The following DPP10 variants were observed in gnomAD, a reference collection of about 807,000 sequenced individuals.
DPP10 encodes dipeptidyl peptidase like 10.
DPP10 carries 33 observed loss-of-function variants against 120.9 expected under a neutral mutation model. That is an observed-to-expected ratio of 0.27 (90% confidence interval 0.21 to 0.37). DPP10 has a LOEUF of 0.37. Among genes scored for constraint, DPP10 ranks in the 10% least tolerant of loss-of-function variants. The probability of loss-of-function intolerance (pLI) is 1.00; values close to 1 mark genes in which losing one functional copy is unlikely to be tolerated. For missense variants in DPP10, 816 were observed against 942.8 expected, an observed-to-expected ratio of 0.87 and a Z score of 1.76; for synonymous variants, 337 against 326.1, an observed-to-expected ratio of 1.03 and a Z score of -0.36.
intron 1 of DPP10, among the ~76,000 whole-genome samples, chr2:114,468,900 G>A (rs1679659601): frequency 6.6e-6 from 1 of 151,958 alleles, no homozygotes. Context: ...ATCTTTCCAT[G>A]ATTAATGCTA....
intron 2 of DPP10, among the ~76,000 whole-genome samples, chr2:115,323,761 A>G (rs981959961): frequency 2.0e-5 from 3 of 152,190 alleles, no homozygotes; most frequent in African/African-American, 4.8e-5. Context: ...TGTATTGTCA[A>G]TGAGCAGTGA....
At chr2:114,606,667 C>A (rs1665553861) in intron 1 of DPP10, among the ~76,000 whole-genome samples, 1 of 152,138 alleles carries the variant, frequency 6.6e-6, no homozygotes, top group African/African-American at 2.4e-5. Flanking sequence ...CTTAATCAGA[C>A]CCCAAAGCCT....
chr2:115,457,482 T>C (rs569251163), intron 3 of DPP10, among the ~76,000 whole-genome samples: 16 of 152,244 alleles, frequency 1.1e-4, no homozygotes, highest in Admixed American at 1.0e-3. Flanking sequence ...AGATCTTATA[T>C]CTAAAATGTA....
At chr2:115,289,506 G>GAA (rs70941043) in intron 1 of DPP10, among the ~76,000 whole-genome samples, 3,290 of 114,192 alleles carry the variant, frequency 0.029, 130 homozygotes, top group East Asian at 0.15. Context: ...AAAAAAAAAG[G>GAA]AAGAAAAGAA....
intron 7 of DPP10, among the ~76,000 whole-genome samples, chr2:115,710,483 C>T (rs1352148472): frequency 6.6e-6 from 1 of 151,936 alleles, no homozygotes; most frequent in Non-Finnish European, 1.5e-5. Context: ...TTTTTAGTTA[C>T]TGATAAAAAT....
At chr2:115,500,356 T>C in intron 4 of DPP10, among the ~76,000 whole-genome samples, 1 of 151,974 alleles carries the variant, frequency 6.6e-6, no homozygotes, top group East Asian at 1.9e-4. Flanking sequence ...TAGATGAATG[T>C]ATACAATACA....
chr2:115,686,754 G>T (rs1366529847), intron 5 of DPP10, among the ~76,000 whole-genome samples: 1 of 151,966 alleles, frequency 6.6e-6, no homozygotes, highest in East Asian at 1.9e-4. Context: ...TTTTGATATG[G>T]TATATTGGAA....
At chr2:114,896,507 G>C (rs1693014381) in intron 1 of DPP10, among the ~76,000 whole-genome samples, 1 of 151,930 alleles carries the variant, frequency 6.6e-6, no homozygotes, top group Non-Finnish European at 1.5e-5. Flanking sequence ...ATTGTGAATG[G>C]GAGTTCACTC....
At chr2:114,513,723 C>T (rs949178318) in intron 1 of DPP10, among the ~76,000 whole-genome samples, 4 of 152,010 alleles carry the variant, frequency 2.6e-5, no homozygotes, top group Admixed American at 6.6e-5. Context: ...GACCTTTTCT[C>T]GTGTCTGTAT....
chr2:115,520,078 G>A (rs2077713795), intron 4 of DPP10, among the ~76,000 whole-genome samples: 1 of 152,122 alleles, frequency 6.6e-6, no homozygotes, highest in Non-Finnish European at 1.5e-5. Flanking sequence ...CAGCACTTTG[G>A]GAGGCCAAGG....
intron 1 of DPP10, among the ~76,000 whole-genome samples, chr2:114,827,643 A>ATGTGTG (rs892398335): frequency 5.3e-5 from 8 of 151,968 alleles, no homozygotes; most frequent in African/African-American, 1.9e-4. Flanking sequence ...GTGTGCATGC[A>ATGTGTG]TGTGTGTGTG....
chr2:115,709,532 A>G (rs1432608710), intron 7 of DPP10, among the ~76,000 whole-genome samples: 1 of 152,060 alleles, frequency 6.6e-6, no homozygotes, highest in Non-Finnish European at 1.5e-5. Context: ...ATATTTATAT[A>G]TCTTATATAT....
At chr2:115,362,136 T>C (rs990781997) in intron 3 of DPP10, among the ~76,000 whole-genome samples, 3 of 152,178 alleles carry the variant, frequency 2.0e-5, no homozygotes, top group Non-Finnish European at 2.9e-5. Flanking sequence ...TTGAGAACTT[T>C]GGATAACTAT....
At chr2:114,695,879 T>C (rs1281440996) in intron 1 of DPP10, among the ~76,000 whole-genome samples, 12 of 152,080 alleles carry the variant, frequency 7.9e-5, no homozygotes, top group Non-Finnish European at 1.5e-4. Flanking sequence ...CTTTTTAATA[T>C]GACTGCTTTC....
intron 1 of DPP10, among the ~76,000 whole-genome samples, chr2:114,807,659 T>A (rs993053812): frequency 1.3e-5 from 2 of 152,244 alleles, no homozygotes; most frequent in African/African-American, 4.8e-5. Flanking sequence ...GATATACGTA[T>A]CTATGTTGCT....
chr2:115,088,094 C>A (rs141459642), intron 1 of DPP10, among the ~76,000 whole-genome samples: 94 of 152,298 alleles, frequency 6.2e-4, no homozygotes, highest in African/African-American at 2.1e-3. Context: ...TGTGTCCTCA[C>A]ACGGTGGAAG....
chr2:115,841,202 G>A (rs116564918), intron 25 of DPP10, among the ~76,000 whole-genome samples: 2,344 of 151,108 alleles, frequency 0.016, 35 homozygotes, highest in Non-Finnish European at 0.024. Context: ...TTAAATATGA[G>A]AGTTTATTAT....
At chr2:115,491,682 G>A (rs972369542) in intron 3 of DPP10, among the ~76,000 whole-genome samples, 6 of 152,046 alleles carry the variant, frequency 3.9e-5, no homozygotes, top group African/African-American at 1.4e-4. Flanking sequence ...GAATGTTTCT[G>A]GTTGGAGATG....
chr2:115,120,418 G>A (rs879590391), intron 1 of DPP10, among the ~76,000 whole-genome samples: 6 of 151,874 alleles, frequency 4.0e-5, no homozygotes, highest in Non-Finnish European at 8.8e-5. Flanking sequence ...TTGGGGAACT[G>A]ATTGGACACA....
Sources: gnomAD v4.1 joint callset for allele counts (sites outside exome capture counted in the v4.1 genomes callset) on GRCh38, gnomAD v4.1.1 for gene constraint, MANE v1.5 for transcripts, NCBI Gene and HGNC (gene_info 2026-07-23, HGNC 2026-07-21) for gene names.